The following AUNIP variants were observed in gnomAD, a reference collection of about 807,000 sequenced individuals.
AUNIP encodes aurora kinase A- and ninein-interacting protein.
Under a neutral mutation model 12.2 loss-of-function variants are expected in AUNIP, and 16 were observed. The observed-to-expected ratio is 1.31, with a 90% CI of 0.88 to 1.99. AUNIP has a LOEUF of 1.99. Among genes scored for constraint, AUNIP ranks in the 30% most tolerant of loss-of-function variants. The probability of loss-of-function intolerance (pLI) is 0.00; values close to 1 mark genes in which losing one functional copy is unlikely to be tolerated. For synonymous variants in AUNIP, 142 were observed against 154.8 expected, an observed-to-expected ratio of 0.92 and a Z score of 0.61; for missense variants, 411 against 419.1, an observed-to-expected ratio of 0.98 and a Z score of 0.17.
chr1:25,859,308 G>C lies in AUNIP; in HGVS notation c.50C>G (p.Ala17Gly). Residue 17 changes from alanine (A) to glycine (G), a missense_variant, in exon 1 of 3, where the codon GCG becomes GGG. Ala to Gly is a moderately conservative substitution (Grantham distance 60). Transcript: ENST00000374298. ...EEEACGVWLD[A>G]AALKRRKVQT... ...CACTTTCCGCCTCTTCAGCGCCGCCGCGTCCAGCCACACGCCGCAGGCCTC... is the reference window on the plus strand; with the variant it reads ...CACTTTCCGCCTCTTCAGCGCCGCCCCGTCCAGCCACACGCCGCAGGCCTC... The C allele has an allele frequency of 6.3e-7, 1 of 1,575,270 alleles. No individual in the cohort carries two copies. Among genetic ancestry groups the C allele is most frequent in the Non-Finnish European group, 8.6e-7 (1 of 1,162,774 alleles).
chr1:25,857,941 G>A (rs1314287514), intron 1 of AUNIP, among the ~76,000 whole-genome samples: 1 of 152,150 alleles, frequency 6.6e-6, no homozygotes, highest in Non-Finnish European at 1.5e-5. Flanking sequence ...GCTGAGGCGG[G>A]CAGATCACGA....
chr1:25,832,250 G>T, downstream of AUNIP: 2 of 1,324,792 alleles, frequency 1.5e-6, no homozygotes, highest in Non-Finnish European at 2.1e-6. Flanking sequence ...TTTGTTTCAG[G>T]TAATCGTGTA....
At chr1:25,840,232 A>G (rs2048339568) in intron 1 of AUNIP, among the ~76,000 whole-genome samples, 2 of 152,208 alleles carry the variant, frequency 1.3e-5, no homozygotes, top group African/African-American at 2.4e-5. Context: ...GAAGATATAA[A>G]AAAAAATTCA....
intron 1 of AUNIP, among the ~76,000 whole-genome samples, chr1:25,837,826 C>T (rs2048315653): frequency 6.6e-6 from 1 of 152,194 alleles, no homozygotes; most frequent in African/African-American, 2.4e-5. Context: ...GATTTGTTAA[C>T]AGGATGGCAG....
chr1:25,852,459 T>C (rs1283426265), intron 1 of AUNIP, among the ~76,000 whole-genome samples: 1 of 130,746 alleles, frequency 7.6e-6, no homozygotes, highest in Non-Finnish European at 1.6e-5. Flanking sequence ...TTTTTTTTTT[T>C]GTTGTTTTTT....
chr1:25,850,389 T>C (rs1407824994), intron 1 of AUNIP, among the ~76,000 whole-genome samples: 1 of 152,210 alleles, frequency 6.6e-6, no homozygotes, highest in Admixed American at 6.5e-5. Flanking sequence ...ACTTTGTTAC[T>C]CTTCAAGCTT....
At chr1:25,844,940 C>G (rs187420051) in intron 1 of AUNIP, among the ~76,000 whole-genome samples, 1 of 152,156 alleles carries the variant, frequency 6.6e-6, no homozygotes, top group Non-Finnish European at 1.5e-5. Flanking sequence ...GAAAGGATGA[C>G]GCTACCTCAT....
chr1:25,837,340 G>C (rs2048310899), intron 2 of AUNIP, 73 bp downstream of exon 2: 3 of 1,493,784 alleles, frequency 2.0e-6, no homozygotes, highest in Non-Finnish European at 2.7e-6. Context: ...CTCATAAATG[G>C]TCTAACATGG....
rs761471604 is a variant in AUNIP at position 25,834,078 on chromosome 1, A to G, written c.*915T>C. The stretch of plus-strand genomic sequence containing the variant: ...CCTCCTATCTTGTGGGAAAAGGGTA[A>G]CAGAGTCACATCCAGATTGTTGTAC... On this transcript the variant is annotated 3_prime_UTR_variant, in exon 3 of 3. Transcript: ENST00000374298. 106 of 985,272 alleles carry G rather than the reference A, an allele frequency of 1.1e-4. No homozygotes were observed. Among genetic ancestry groups the G allele is most frequent in the Non-Finnish European group, 1.2e-4 (101 of 829,872 alleles). 61.0% of individuals were successfully genotyped at this position (985,272 alleles called of 1,614,324 possible).
chr1:25,858,111 G>A (rs1328018824), intron 1 of AUNIP, among the ~76,000 whole-genome samples: 1 of 152,152 alleles, frequency 6.6e-6, no homozygotes, highest in Non-Finnish European at 1.5e-5. Context: ...GGCTTGCAGG[G>A]AACTGAGATT....
intron 1 of AUNIP, among the ~76,000 whole-genome samples, chr1:25,846,705 G>A (rs868074897): frequency 7.9e-5 from 12 of 152,300 alleles, no homozygotes; most frequent in African/African-American, 1.7e-4. Flanking sequence ...GCAGCTAAGC[G>A]AGACTCCGTC....
In AUNIP at chr1:25,834,927, C is replaced by A. The variant is rs927584690; in HGVS notation, c.*66G>T. 2 of 1,541,762 alleles carry A rather than the reference C, an allele frequency of 1.3e-6. No homozygotes were observed. The highest frequency in any genetic ancestry group is 1.7e-6 in the Non-Finnish European group (2 of 1,148,016). ...CTAAACAAACTCACTCCTCTCTCCA[C>A]CCACAACTATATTTTCCTACATCTC... is the stretch of plus-strand genomic sequence containing the variant. On this transcript the variant is annotated 3_prime_UTR_variant, in exon 3 of 3. Transcript: ENST00000374298.
chr1:25,858,017 A>G (rs1486111174), intron 1 of AUNIP, among the ~76,000 whole-genome samples: 1 of 151,930 alleles, frequency 6.6e-6, no homozygotes, highest in East Asian at 1.9e-4. Context: ...AATACAAAAA[A>G]TTAGCCGGGC....
chr1:25,833,269 C>G (rs1045760980), downstream of AUNIP, among the ~76,000 whole-genome samples: 4 of 152,004 alleles, frequency 2.6e-5, no homozygotes, highest in African/African-American at 9.7e-5. Flanking sequence ...TATGCACCAC[C>G]ACACCCAGGA....
intron 1 of AUNIP, among the ~76,000 whole-genome samples, chr1:25,856,237 C>T (rs181855919): frequency 9.2e-5 from 14 of 151,782 alleles, no homozygotes; most frequent in Non-Finnish European, 2.1e-4. Flanking sequence ...TGGTGGCACA[C>T]GCCTGTAATC....
chr1:25,855,296 C>T (rs150709614), intron 1 of AUNIP, among the ~76,000 whole-genome samples: 12 of 152,072 alleles, frequency 7.9e-5, no homozygotes, highest in African/African-American at 2.9e-4. Flanking sequence ...AATTTGTGGA[C>T]GTACATTAAA....
At chr1:25,855,148 G>C (rs1243629405) in intron 1 of AUNIP, among the ~76,000 whole-genome samples, 1 of 151,704 alleles carries the variant, frequency 6.6e-6, no homozygotes, top group African/African-American at 2.4e-5. Context: ...GTAGAGATGG[G>C]GTTTCACCAT....
chr1:25,837,311 T>A, intron 2 of AUNIP, 102 bp downstream of exon 2: 1 of 1,370,886 alleles, frequency 7.3e-7, no homozygotes, highest in East Asian at 2.3e-5. Flanking sequence ...TTTAACACAA[T>A]GCACTGGTTT....
chr1:25,851,775 C>T (rs1299094532), intron 1 of AUNIP, among the ~76,000 whole-genome samples: 3 of 152,144 alleles, frequency 2.0e-5, no homozygotes, highest in Admixed American at 6.5e-5. Flanking sequence ...CTCACTCTGT[C>T]GCCCAGGCTG....
Sources: allele counts gnomAD v4.1 joint callset (sites outside exome capture counted in the v4.1 genomes callset), GRCh38; gene constraint gnomAD v4.1.1; transcripts MANE v1.5; gene names NCBI Gene and HGNC (gene_info 2026-07-23, HGNC 2026-07-21).